Variants in TENM1 observed in about 807,000 individuals in gnomAD.
The protein encoded by TENM1 is teneurin-1.
Under a neutral mutation model 174.8 loss-of-function variants are expected in TENM1, and 35 were observed. The ratio of observed to expected loss-of-function variants is 0.20; its 90% confidence interval spans 0.15 to 0.27. The LOEUF (loss-of-function observed/expected upper bound fraction) is 0.27. TENM1 is among the 10% of genes least tolerant of loss of function. The pLI is 1.00. For synonymous variants in TENM1, 781 were observed against 798.7 expected (o/e 0.98, Z 0.37); for missense variants, 1,633 against 2,130.1 (o/e 0.77, Z 4.59).
At chrX:125,160,005 G>A in the TENM1 span, among the ~76,000 whole-genome samples, 1 of 110,026 alleles carries the variant, frequency 9.1e-6, no homozygotes, top group Non-Finnish European at 1.9e-5. Flanking sequence ...TTCAAGACTA[G>A]CCTGGTCAAT....
chrX:125,094,746 C>A, the TENM1 span, among the ~76,000 whole-genome samples: 2 of 111,805 alleles, frequency 1.8e-5, no homozygotes, highest in East Asian at 5.7e-4. Flanking sequence ...AATATGCTAC[C>A]GTGTTGTATA....
At chrX:125,135,661 AATAACCTTCT>A in the TENM1 span, among the ~76,000 whole-genome samples, 28 of 111,966 alleles carry the variant, frequency 2.5e-4, no homozygotes, top group African/African-American at 7.1e-4. Flanking sequence ...AATGAATGTT[AATAACCTTCT>A]ATCTTGGTAC....
At chrX:124,946,277 T>C (rs2058401140) in intron 1 of TENM1, among the ~76,000 whole-genome samples, 1 of 111,898 alleles carries the variant, frequency 8.9e-6, no homozygotes, top group Non-Finnish European at 1.9e-5. Flanking sequence ...ATATGTTAAG[T>C]TTGAGATACG....
exon 32 of TENM1, chrX:124,380,373 A>G: frequency 2.2e-6 from 1 of 454,215 alleles, no homozygotes; most frequent in Admixed American, 4.9e-5. Context: ...GTTTAAACAA[A>G]CAATATTAAA....
At chrX:125,198,263 TAA>T in the TENM1 span, among the ~76,000 whole-genome samples, 1 of 112,083 alleles carries the variant, frequency 8.9e-6, no homozygotes, top group African/African-American at 3.2e-5. Context: ...GATATTGTAA[TAA>T]GACTTTTTTT....
chrX:124,720,006 C>T (rs370306608), intron 4 of TENM1, among the ~76,000 whole-genome samples: 1 of 111,830 alleles, frequency 8.9e-6, no homozygotes, highest in Non-Finnish European at 1.9e-5. Flanking sequence ...GATATTGAAA[C>T]TGTACTGCAG....
chrX:124,402,798 T>C (rs755101605), intron 27 of TENM1, among the ~76,000 whole-genome samples: 1 of 111,398 alleles, frequency 9.0e-6, no homozygotes, highest in South Asian at 3.8e-4. Flanking sequence ...GATGAGTCCA[T>C]GAGGTCGATA....
At chrX:124,913,480 T>C (rs146117527) in intron 1 of TENM1, among the ~76,000 whole-genome samples, 1,882 of 111,853 alleles carry the variant, frequency 0.017, 34 homozygotes, top group African/African-American at 0.058. Context: ...GACCAATATA[T>C]GGTACACACT....
At chrX:124,654,567 A>C (rs2051391867) in intron 6 of TENM1, among the ~76,000 whole-genome samples, 2 of 111,812 alleles carry the variant, frequency 1.8e-5, no homozygotes, top group African/African-American at 6.5e-5. Context: ...GCGCACATGG[A>C]AAGGATGGCT....
At chrX:124,942,044 G>A (rs1197467865) in intron 1 of TENM1, among the ~76,000 whole-genome samples, 1 of 111,426 alleles carries the variant, frequency 9.0e-6, no homozygotes, top group African/African-American at 3.3e-5. Context: ...CTCTCACTGG[G>A]TCCCTCTCAT....
At chrX:125,044,224 A>T in the TENM1 span, among the ~76,000 whole-genome samples, 16 of 92,559 alleles carry the variant, frequency 1.7e-4, no homozygotes, top group East Asian at 6.2e-4. Context: ...AAAAAAAAAT[A>T]AAAAAAAAAG....
At chrX:125,106,715 T>C in the TENM1 span, among the ~76,000 whole-genome samples, 1 of 112,231 alleles carries the variant, frequency 8.9e-6, no homozygotes, top group South Asian at 3.7e-4. Flanking sequence ...AGCCTAAATT[T>C]TGAATGATTT....
chrX:124,741,591 A>C (rs371394257), intron 3 of TENM1, among the ~76,000 whole-genome samples: 5 of 112,180 alleles, frequency 4.5e-5, no homozygotes, highest in African/African-American at 1.3e-4. Context: ...ATTAATGGTT[A>C]AGGGATACGC....
At chrX:124,994,185 G>A in the TENM1 span, among the ~76,000 whole-genome samples, 1 of 101,316 alleles carries the variant, frequency 9.9e-6, no homozygotes. Context: ...ATTAACTCAT[G>A]ACACAATCAA....
At chrX:124,840,966 G>T (rs772857246) in intron 3 of TENM1, among the ~76,000 whole-genome samples, 9 of 112,068 alleles carry the variant, frequency 8.0e-5, no homozygotes, top group Admixed American at 1.9e-4. Flanking sequence ...CAGGAATGAA[G>T]TTAGAACATG....
rs184454167 is a variant in TENM1 at position 124,467,223 on chromosome X, A to G, written c.3950-13732T>C. ...GGAATAGCTAGTAAATGAAACTGGAAGAAAAATAGAGCAAATAACACTGGG... is the reference window on the plus strand; with the variant it reads ...GGAATAGCTAGTAAATGAAACTGGAGGAAAAATAGAGCAAATAACACTGGG... On this transcript the variant is annotated intron_variant, in intron 22 of 31. Coordinates refer to ENST00000422452, the Ensembl canonical transcript of TENM1. 1.6e-3 allele frequency among the ~76,000 whole-genome samples: 181 copies of G among 112,151 alleles called. 1 individual carries two copies. The highest frequency in any genetic ancestry group is 5.4e-3 in the African/African-American group (167 of 30,916).
intron 3 of TENM1, among the ~76,000 whole-genome samples, chrX:124,872,453 C>T (rs759350939): frequency 8.9e-6 from 1 of 111,884 alleles, no homozygotes; most frequent in East Asian, 2.8e-4. Flanking sequence ...TAACTTTTCA[C>T]TTACAAACAT....
At chrX:124,672,461 G>T (rs2148437029) in intron 5 of TENM1, among the ~76,000 whole-genome samples, 1 of 111,430 alleles carries the variant, frequency 9.0e-6, no homozygotes, top group Non-Finnish European at 1.9e-5. Context: ...CACTGTGCAG[G>T]AAGATGGGCA....
chrX:124,656,727 A>G (rs1051084932), intron 6 of TENM1, among the ~76,000 whole-genome samples: 4 of 112,315 alleles, frequency 3.6e-5, no homozygotes, highest in African/African-American at 1.3e-4. Flanking sequence ...TACAATAACT[A>G]TGAATTCATT....
Sources: gnomAD v4.1 joint callset for allele counts (sites outside exome capture counted in the v4.1 genomes callset) on GRCh38, gnomAD v4.1.1 for gene constraint, MANE v1.5 for transcripts, NCBI Gene and HGNC (gene_info 2026-07-23, HGNC 2026-07-21) for gene names.